FREM2: variants seen among roughly 807,000 people sequenced by gnomAD.
FREM2 encodes FRAS1 related extracellular matrix 2.
FREM2 carries 119 observed loss-of-function variants against 219.9 expected under a neutral mutation model. That is an observed-to-expected ratio of 0.54 (90% CI 0.47 to 0.63). The LOEUF is 0.63. Ranked by LOEUF, FREM2 falls within the 30% of genes least tolerant of loss-of-function variation. FREM2 has a pLI of 0.00. For missense variants in FREM2, 4,030 were observed against 3,993.6 expected, an observed-to-expected ratio of 1.01 and a Z score of -0.25; for synonymous variants, 1,562 against 1,522.8, an observed-to-expected ratio of 1.03 and a Z score of -0.60.
rs973915712 is a variant in FREM2 at position 38,697,474 on chromosome 13, C to T, written c.5174-224C>T. 8.5e-5 allele frequency among the ~76,000 whole-genome samples: 13 copies of T among 152,170 alleles called. 1 individual carries two copies. Among genetic ancestry groups the T allele is most frequent in the Admixed American group, 8.5e-4 (13 of 15,276 alleles). On this transcript the variant is annotated intron_variant, in intron 1 of 23. Transcript: ENST00000280481. Reference sequence around the variant, plus strand: ...GGAAACACCTTGCTATTATTATAAACTAACTCTTGCACTGTATTTATCTGT... The same window carrying T: ...GGAAACACCTTGCTATTATTATAAATTAACTCTTGCACTGTATTTATCTGT...
chr13:38,853,056 G>A (rs371628112), intron 11 of FREM2, among the ~76,000 whole-genome samples: 5 of 152,030 alleles, frequency 3.3e-5, no homozygotes, highest in South Asian at 4.1e-4. Context: ...GGCCGGGTGC[G>A]TTGGCTCACA....
intron 2 of FREM2, among the ~76,000 whole-genome samples, chr13:38,762,639 A>G (rs1178043352): frequency 6.6e-6 from 1 of 151,946 alleles, no homozygotes; most frequent in African/African-American, 2.4e-5. Context: ...GGGTTTCTCT[A>G]TGTTGGTTAG....
rs1189205965 is a variant in FREM2, at chr13:38,703,202, G to T, written c.5263+5415G>T. Among the ~76,000 whole-genome samples the T allele has an allele frequency of 3.9e-5, 6 of 152,098 alleles. No homozygotes were observed. In the South Asian group the frequency reaches 8.3e-4, roughly 21 times the overall value. ...CAAAATAATTACTGATAATTAGCTT[G>T]AAGTTAAATCAAGGGCTGGAAAAAT... On this transcript the variant is annotated intron_variant, in intron 2 of 23. Coordinates refer to ENST00000280481, the MANE Select transcript of FREM2 (RefSeq NM_207361.6).
At chr13:38,826,085 A>G (rs1009506480) in intron 6 of FREM2, among the ~76,000 whole-genome samples, 1 of 152,116 alleles carries the variant, frequency 6.6e-6, no homozygotes, top group African/African-American at 2.4e-5. Context: ...TTTTTCCTTG[A>G]GAGGAAGCAC....
chr13:38,863,793 C>A (rs1877850449), intron 15 of FREM2, among the ~76,000 whole-genome samples: 1 of 152,090 alleles, frequency 6.6e-6, no homozygotes, highest in Non-Finnish European at 1.5e-5. Context: ...CTGGGGAACC[C>A]CAGGGTTCTT....
At chr13:38,741,621 A>T (rs1289985431) in intron 2 of FREM2, among the ~76,000 whole-genome samples, 1 of 152,184 alleles carries the variant, frequency 6.6e-6, no homozygotes, top group African/African-American at 2.4e-5. Flanking sequence ...CACATCACAA[A>T]TTGCAGATAG....
chr13:38,771,578 A>C (rs1207873579), intron 4 of FREM2, among the ~76,000 whole-genome samples: 3 of 152,092 alleles, frequency 2.0e-5, no homozygotes, highest in Non-Finnish European at 2.9e-5. Flanking sequence ...ACAGCCCCCC[A>C]CTTATATAAT....
intron 2 of FREM2, among the ~76,000 whole-genome samples, chr13:38,752,851 G>A (rs1045341726): frequency 1.3e-5 from 2 of 152,180 alleles, no homozygotes. Flanking sequence ...ACTCAAAGAG[G>A]TGGAGAAGTG....
chr13:38,818,414 A>T (rs1875856990), intron 6 of FREM2, among the ~76,000 whole-genome samples: 1 of 152,140 alleles, frequency 6.6e-6, no homozygotes, highest in South Asian at 2.1e-4. Flanking sequence ...CACCATGTTA[A>T]GTGAAATAAG....
intron 6 of FREM2, among the ~76,000 whole-genome samples, chr13:38,828,039 C>G (rs1332865377): frequency 1.3e-5 from 2 of 152,178 alleles, no homozygotes; most frequent in African/African-American, 4.8e-5. Flanking sequence ...AGCCACACCT[C>G]TCCCTTGAGG....
In FREM2 at chr13:38,872,713, T is replaced by C. The variant is rs779929592; in HGVS notation, c.7984-29T>C. On this transcript the variant is annotated intron_variant, in intron 16 of 23. Coordinates refer to ENST00000280481, the MANE Select transcript of FREM2 (RefSeq NM_207361.6). ...GGCCCACTTAGTTAACACTGAGTCA[T>C]GTTGATTGATGTAATTTTGTTGTTT... is the stretch of plus-strand genomic sequence containing the variant. The C allele has an allele frequency of 5.0e-5, 79 of 1,594,046 alleles. 1 individual carries two copies. Among genetic ancestry groups the C allele is most frequent in the Non-Finnish European group, 6.1e-5 (71 of 1,162,114 alleles).
chr13:38,829,096 T>A (rs1206684037), intron 6 of FREM2, among the ~76,000 whole-genome samples: 1 of 152,182 alleles, frequency 6.6e-6, no homozygotes, highest in Non-Finnish European at 1.5e-5. Flanking sequence ...ACACATATGC[T>A]GTCATAATCC....
intron 6 of FREM2, among the ~76,000 whole-genome samples, chr13:38,845,900 C>A (rs1877134558): frequency 6.6e-6 from 1 of 152,124 alleles, no homozygotes; most frequent in East Asian, 1.9e-4. Context: ...GAATTTGCCT[C>A]ATTTTCATGT....
Position 38,867,586 on chromosome 13 carries a change from T to G in FREM2, c.7983+2980T>G, listed in dbSNP as rs183833003. 4.1e-4 allele frequency among the ~76,000 whole-genome samples: 62 copies of G among 152,248 alleles called. 1 individual carries two copies. The Middle Eastern group carries it at 0.01, about 25-fold the overall frequency. On this transcript the variant is annotated intron_variant, in intron 16 of 23. Coordinates refer to ENST00000280481, the MANE Select transcript of FREM2 (RefSeq NM_207361.6). ...TTATGAGAATTAGCTCACGAGATCG[T>G]AGAGACTGAACAGTTCCATGGCAGG...
At chr13:38,820,784 G>A (rs1876013599) in intron 6 of FREM2, among the ~76,000 whole-genome samples, 2 of 152,102 alleles carry the variant, frequency 1.3e-5, no homozygotes, top group African/African-American at 2.4e-5. Context: ...GTCTTGGCCT[G>A]CATGCCTCAG....
intron 5 of FREM2, among the ~76,000 whole-genome samples, chr13:38,783,480 A>T (rs1478416506): frequency 1.1e-4 from 16 of 148,558 alleles, no homozygotes; most frequent in Admixed American, 3.4e-4. Context: ...ATATAAAAAA[A>T]AAAAAAAAAA....
chr13:38,860,887 A>G (rs572679592), intron 14 of FREM2, among the ~76,000 whole-genome samples: 2 of 152,336 alleles, frequency 1.3e-5, no homozygotes, highest in East Asian at 1.9e-4. Context: ...AATTACATCT[A>G]TAGAGAAAAC....
At chr13:38,775,922 A>G (rs973894857) in intron 4 of FREM2, among the ~76,000 whole-genome samples, 4 of 152,206 alleles carry the variant, frequency 2.6e-5, no homozygotes, top group Admixed American at 6.5e-5. Flanking sequence ...CCTTGCCCCA[A>G]AGATTCACTT....
intron 15 of FREM2, among the ~76,000 whole-genome samples, chr13:38,862,256 T>C (rs1877788406): frequency 1.3e-5 from 2 of 152,260 alleles, no homozygotes; most frequent in South Asian, 4.1e-4. Context: ...AGAATCTACC[T>C]CCCCCAGAAC....
Sources: allele counts gnomAD v4.1 joint callset (sites outside exome capture counted in the v4.1 genomes callset), GRCh38; gene constraint gnomAD v4.1.1; transcripts MANE v1.5; gene names NCBI Gene and HGNC (gene_info 2026-07-23, HGNC 2026-07-21).